Variants in LRRC4C observed in about 807,000 individuals in gnomAD.
The protein encoded by LRRC4C is leucine-rich repeat-containing protein 4C.
In LRRC4C, 5 loss-of-function variants were observed where a neutral mutation model predicts 33.6. The observed-to-expected ratio is 0.15, with a 90% confidence interval of 0.08 to 0.31. The LOEUF (loss-of-function observed/expected upper bound fraction) is 0.31, where lower values mean the gene tolerates loss of function less well. Among genes scored for constraint, LRRC4C ranks in the 10% least tolerant of loss-of-function variants. The pLI is 1.00. For synonymous variants in LRRC4C, 329 were observed against 302.0 expected, an observed-to-expected ratio of 1.09 and a Z score of -0.93; for missense variants, 560 against 796.7, an observed-to-expected ratio of 0.70 and a Z score of 3.58.
At chr11:41,254,133 CT>C (rs1948725919) in intron 1 of LRRC4C, among the ~76,000 whole-genome samples, 1 of 151,858 alleles carries the variant, frequency 6.6e-6, no homozygotes, top group Non-Finnish European at 1.5e-5. Flanking sequence ...TTTATTCATC[CT>C]TTTTATTAAT....
At chr11:40,625,546 C>T (rs1317564279) in intron 3 of LRRC4C, among the ~76,000 whole-genome samples, 1 of 152,042 alleles carries the variant, frequency 6.6e-6, no homozygotes, top group Non-Finnish European at 1.5e-5. Flanking sequence ...CCAAAGGGTC[C>T]CTCCTAGGAC....
At chr11:41,422,265 C>T (rs1954895397) in intron 1 of LRRC4C, among the ~76,000 whole-genome samples, 1 of 151,894 alleles carries the variant, frequency 6.6e-6, no homozygotes, top group Non-Finnish European at 1.5e-5. Flanking sequence ...TCTTCCCGAC[C>T]CCAGCCTGGG....
rs150074304 is a variant in LRRC4C at position 41,397,506 on chromosome 11, A to C, written c.-496+61925T>G. ...ATATAATACATATAACATGCAAAAT[A>C]TGTGTTAATCAACTGTTGGGTGTTA... On this transcript the variant is annotated intron_variant, in intron 1 of 6. Transcript: ENST00000528697. Among the ~76,000 whole-genome samples, 581 of 151,986 alleles carry C rather than the reference A, an allele frequency of 3.8e-3. 4 individuals carry two copies. Among genetic ancestry groups the C allele is most frequent in the Non-Finnish European group, 5.9e-3 (398 of 67,912 alleles).
At chr11:40,195,858 G>T (rs1031503206) in intron 5 of LRRC4C, among the ~76,000 whole-genome samples, 1 of 152,152 alleles carries the variant, frequency 6.6e-6, no homozygotes, top group Non-Finnish European at 1.5e-5. Context: ...AGCAGGGCTA[G>T]ACTGTGAAAA....
chr11:40,536,744 G>C (rs1403838913), intron 3 of LRRC4C, among the ~76,000 whole-genome samples: 1 of 151,776 alleles, frequency 6.6e-6, no homozygotes, highest in Non-Finnish European at 1.5e-5. Flanking sequence ...TCCTTTAGGT[G>C]AACACAATGC....
At chr11:40,497,751 T>C (rs527288288) in intron 3 of LRRC4C, among the ~76,000 whole-genome samples, 2 of 152,280 alleles carry the variant, frequency 1.3e-5, no homozygotes, top group East Asian at 1.9e-4. Context: ...TCAGAAATCA[T>C]CAGAAGTCAC....
chr11:40,513,717 T>C (rs998119372), intron 3 of LRRC4C, among the ~76,000 whole-genome samples: 4 of 152,212 alleles, frequency 2.6e-5, no homozygotes, highest in African/African-American at 7.2e-5. Flanking sequence ...CTCTCCAGGA[T>C]AGAAGTGAGT....
rs146387366 is a variant in LRRC4C, at chr11:41,203,082, G to A, written c.-496+256349C>T. Among the ~76,000 whole-genome samples the A allele has an allele frequency of 7.7e-3, 1,170 of 152,276 alleles. 25 individuals carry two copies. Among genetic ancestry groups the A allele is most frequent in the African/African-American group, 0.027 (1,125 of 41,552 alleles). On this transcript the variant is annotated intron_variant, in intron 1 of 6. Coordinates refer to ENST00000528697, the MANE Select transcript of LRRC4C (RefSeq NM_001258419.2). The stretch of plus-strand genomic sequence containing the variant: ...ATAACAGGCGTGAGCCACTGTGCCC[G>A]GTCAAAAACTGATTTCTTTCTTCAG...
At chr11:40,652,185 A>G (rs1181411051) in intron 2 of LRRC4C, among the ~76,000 whole-genome samples, 1 of 152,196 alleles carries the variant, frequency 6.6e-6, no homozygotes, top group Non-Finnish European at 1.5e-5. Context: ...CTTAAGCCTC[A>G]GGGTCAAGGA....
intron 1 of LRRC4C, among the ~76,000 whole-genome samples, chr11:41,093,820 G>A (rs1940602703): frequency 6.6e-6 from 1 of 151,412 alleles, no homozygotes; most frequent in South Asian, 2.1e-4. Context: ...GGCCGGGCCC[G>A]GTGGATCACA....
intron 1 of LRRC4C, among the ~76,000 whole-genome samples, chr11:41,176,906 A>G (rs1295300361): frequency 6.6e-6 from 1 of 152,166 alleles, no homozygotes; most frequent in Non-Finnish European, 1.5e-5. Context: ...CAGAGGTTGC[A>G]GCGAGCTGAG....
At chr11:40,915,637 C>T (rs534872230) in intron 2 of LRRC4C, among the ~76,000 whole-genome samples, 5 of 152,264 alleles carry the variant, frequency 3.3e-5, no homozygotes, top group Non-Finnish European at 7.3e-5. Flanking sequence ...TAGGCATGGG[C>T]AAGGACTTCA....
intron 2 of LRRC4C, among the ~76,000 whole-genome samples, chr11:40,911,018 G>A (rs894518810): frequency 6.6e-6 from 1 of 152,206 alleles, no homozygotes; most frequent in Non-Finnish European, 1.5e-5. Context: ...TGCCATTGCC[G>A]AGACTTGAGT....
At chr11:41,270,401 T>C (rs1176858797) in intron 1 of LRRC4C, among the ~76,000 whole-genome samples, 1 of 152,132 alleles carries the variant, frequency 6.6e-6, no homozygotes, top group African/African-American at 2.4e-5. Flanking sequence ...TATAAAGTTG[T>C]ATTAGAAATA....
rs765252333 is a variant in LRRC4C, at chr11:40,898,353, C to CAAAAAAAAAAAAAAAA, written c.-407+35266_-407+35281dup. Among the ~76,000 whole-genome samples the CAAAAAAAAAAAAAAAA allele has an allele frequency of 7.8e-4, 30 of 38,342 alleles. 2 individuals are homozygous for CAAAAAAAAAAAAAAAA. Among genetic ancestry groups the CAAAAAAAAAAAAAAAA allele is most frequent in the African/African-American group, 2.6e-3 (25 of 9,588 alleles). 25.2% of individuals were successfully genotyped at this position (38,342 alleles called of 152,430 possible). ...GGGCAACAAGAGTGAAACTCCATCT[C>CAAAAAAAAAAAAAAAA]AAAAAAAAAAAAAAAAAAAGAAAAA... On this transcript the variant is annotated intron_variant, in intron 2 of 6. Coordinates refer to ENST00000528697, the MANE Select transcript of LRRC4C (RefSeq NM_001258419.2).
intron 1 of LRRC4C, among the ~76,000 whole-genome samples, chr11:41,350,668 G>A (rs1399277601): frequency 6.6e-6 from 1 of 152,090 alleles, no homozygotes; most frequent in Non-Finnish European, 1.5e-5. Flanking sequence ...ATATAATTCA[G>A]AATCTGAATG....
chr11:41,444,093 T>A (rs536000156), intron 1 of LRRC4C, among the ~76,000 whole-genome samples: 112 of 152,272 alleles, frequency 7.4e-4, no homozygotes, highest in African/African-American at 2.6e-3. Context: ...GAACCTCTAA[T>A]GCTTTGAAAT....
At chr11:41,378,315 T>C (rs1953016858) in intron 1 of LRRC4C, among the ~76,000 whole-genome samples, 1 of 152,138 alleles carries the variant, frequency 6.6e-6, no homozygotes, top group Non-Finnish European at 1.5e-5. Context: ...AGTTTTACAA[T>C]GTAAATTATT....
rs935366444 is a variant in LRRC4C at position 41,383,964 on chromosome 11, G to T, written c.-496+75467C>A. Among the ~76,000 whole-genome samples, 5 of 151,936 alleles carry T rather than the reference G, an allele frequency of 3.3e-5. No homozygotes were observed. In the East Asian group the frequency reaches 5.8e-4, roughly 18 times the overall value. On this transcript the variant is annotated intron_variant, in intron 1 of 6. Transcript: ENST00000528697. ...TCGATGAAAATAGAAGTAGGTCAGG[G>T]TTTTGTGCCCTTTGACCCTAATTCT...
Sources: gnomAD v4.1 joint callset for allele counts (sites outside exome capture counted in the v4.1 genomes callset) on GRCh38, gnomAD v4.1.1 for gene constraint, MANE v1.5 for transcripts, NCBI Gene and HGNC (gene_info 2026-07-23, HGNC 2026-07-21) for gene names.